DPP10: variants seen among roughly 807,000 people sequenced by gnomAD.
DPP10 encodes dipeptidyl peptidase like 10.
DPP10 carries 33 observed loss-of-function variants against 120.9 expected under a neutral mutation model. That is an observed-to-expected ratio of 0.27 (90% CI 0.21 to 0.37). DPP10 has a LOEUF of 0.37. DPP10 is among the 10% of genes least tolerant of loss of function. DPP10 has a pLI of 1.00. For missense variants in DPP10, 816 were observed against 942.8 expected (o/e 0.87, Z 1.76); for synonymous variants, 337 against 326.1 (o/e 1.03, Z -0.36).
intron 1 of DPP10, among the ~76,000 whole-genome samples, chr2:114,497,139 ATACACGTGTATACATGTAGGTG>A (rs1222359478): frequency 0.021 from 3,172 of 149,236 alleles, 114 homozygotes; most frequent in African/African-American, 0.074. Context: ...ACATGTAGGT[ATACACGTGTATACATGTAGGTG>A]TACACGTGTA....
intron 12 of DPP10, among the ~76,000 whole-genome samples, chr2:115,764,063 C>T (rs571378118): frequency 2.6e-5 from 4 of 152,208 alleles, no homozygotes; most frequent in African/African-American, 9.6e-5. Flanking sequence ...CAAATCACAT[C>T]TCCCAATAAA....
chr2:115,317,101 C>T (rs2061831834), intron 2 of DPP10, among the ~76,000 whole-genome samples: 1 of 152,068 alleles, frequency 6.6e-6, no homozygotes, highest in South Asian at 2.1e-4. Context: ...CCAAAACAGT[C>T]TTCCATCTAG....
intron 5 of DPP10, among the ~76,000 whole-genome samples, chr2:115,573,534 G>A (rs1341574067): frequency 8.7e-5 from 13 of 149,890 alleles, no homozygotes; most frequent in East Asian, 2.0e-4. Flanking sequence ...CGCCCACCTC[G>A]GCCTCCCAAA....
chr2:115,537,135 T>C (rs2078899490), intron 5 of DPP10, among the ~76,000 whole-genome samples: 1 of 152,110 alleles, frequency 6.6e-6, no homozygotes, highest in South Asian at 2.1e-4. Context: ...ACCTTCTTCT[T>C]TAGCTTTGCA....
At chr2:115,308,181 A>T (rs1463624385) in intron 1 of DPP10, among the ~76,000 whole-genome samples, 1 of 152,162 alleles carries the variant, frequency 6.6e-6, no homozygotes, top group Non-Finnish European at 1.5e-5. Flanking sequence ...TGTGAGTCAC[A>T]GGAACTCATG....
At chr2:115,101,618 T>C (rs181122961) in intron 1 of DPP10, among the ~76,000 whole-genome samples, 1 of 152,332 alleles carries the variant, frequency 6.6e-6, no homozygotes, top group African/African-American at 2.4e-5. Flanking sequence ...CACACACTAA[T>C]GGGTAGAATG....
chr2:114,487,398 C>CTGG (rs1681605292), intron 1 of DPP10, among the ~76,000 whole-genome samples: 1 of 152,142 alleles, frequency 6.6e-6, no homozygotes, highest in Non-Finnish European at 1.5e-5. Flanking sequence ...TGTTATAAAT[C>CTGG]TGGTGACTTC....
At position 114,951,576 on chromosome 2, in the gene DPP10, GA is replaced by G. The variant is rs1214310956; in HGVS notation, c.61-357658del. On this transcript the variant is annotated intron_variant, in intron 1 of 25. Coordinates refer to ENST00000410059, the MANE Select transcript of DPP10 (RefSeq NM_020868.6). ...TTGTAAAACACCCTAAAGCTAGAGT[GA>G]AAAAGAAGGTTTTTTAATAAGAAGA... 5.9e-5 allele frequency among the ~76,000 whole-genome samples: 9 copies of G among 152,242 alleles called. No homozygotes were observed. In the East Asian group the frequency reaches 1.5e-3, roughly 26 times the overall value.
At chr2:114,905,877 G>T (rs1574460540) in intron 1 of DPP10, among the ~76,000 whole-genome samples, 1 of 151,968 alleles carries the variant, frequency 6.6e-6, no homozygotes, top group East Asian at 1.9e-4. Flanking sequence ...TGATTTTTGT[G>T]TATTGATAGT....
At chr2:114,875,601 A>G (rs1256900967) in intron 1 of DPP10, among the ~76,000 whole-genome samples, 4 of 152,170 alleles carry the variant, frequency 2.6e-5, no homozygotes, top group African/African-American at 9.6e-5. Flanking sequence ...AGTTCAGCTT[A>G]CTAGAACTTG....
chr2:114,569,806 G>C (rs1689478301), intron 1 of DPP10, among the ~76,000 whole-genome samples: 1 of 152,108 alleles, frequency 6.6e-6, no homozygotes, highest in African/African-American at 2.4e-5. Flanking sequence ...AAACTAGAGT[G>C]ATAAATCACA....
chr2:115,570,157 G>T (rs1194218232), intron 5 of DPP10, among the ~76,000 whole-genome samples: 1 of 152,124 alleles, frequency 6.6e-6, no homozygotes, highest in African/African-American at 2.4e-5. Flanking sequence ...GGAAACTCTT[G>T]TCTCTCATGC....
At chr2:115,715,357 A>G (rs901854551) in intron 7 of DPP10, among the ~76,000 whole-genome samples, 1 of 150,586 alleles carries the variant, frequency 6.6e-6, no homozygotes, top group East Asian at 1.9e-4. Flanking sequence ...AAAAAAAAAA[A>G]AAAAAAGAAA....
chr2:115,843,399 T>C lies in DPP10; in HGVS notation c.*1054T>C, dbSNP rs560952532. ...TTTTCAAAACTCTTGGTCCTTTTAC[T>C]TCTTTCTCTCAGTGCAGAATCAATT... On this transcript the variant is annotated 3_prime_UTR_variant, in exon 26 of 26. Transcript: ENST00000410059. 2 of 152,752 alleles carry C rather than the reference T, an allele frequency of 1.3e-5. No homozygotes were observed. Among genetic ancestry groups the C allele is most frequent in the Admixed American group, 1.3e-4 (2 of 15,300 alleles). 9.5% of individuals were successfully genotyped at this position (152,752 alleles called of 1,614,324 possible).
intron 1 of DPP10, among the ~76,000 whole-genome samples, chr2:114,972,469 A>T (rs1247509390): frequency 2.0e-5 from 3 of 152,218 alleles, no homozygotes; most frequent in African/African-American, 7.2e-5. Flanking sequence ...AAGATGCTTT[A>T]GGTATCCTAC....
intron 1 of DPP10, among the ~76,000 whole-genome samples, chr2:114,718,673 T>C (rs1701512658): frequency 6.6e-6 from 1 of 152,200 alleles, no homozygotes; most frequent in South Asian, 2.1e-4. Flanking sequence ...TCTTGGATGC[T>C]ATTTAAAATG....
intron 1 of DPP10, among the ~76,000 whole-genome samples, chr2:115,149,664 C>A (rs1046243994): frequency 2.6e-5 from 4 of 152,132 alleles, no homozygotes; most frequent in African/African-American, 4.8e-5. Flanking sequence ...GTATTCAGCA[C>A]TTTTCTAAGA....
At chr2:115,534,277 C>A (rs1215806870) in intron 5 of DPP10, among the ~76,000 whole-genome samples, 4 of 152,012 alleles carry the variant, frequency 2.6e-5, no homozygotes. Flanking sequence ...CACCCCACAA[C>A]AGTCCCTAGA....
At chr2:115,711,368 T>C (rs6721051) in intron 7 of DPP10, among the ~76,000 whole-genome samples, 103,106 of 151,968 alleles carry the variant, frequency 0.68, 37,541 homozygotes, top group East Asian at 0.91. Flanking sequence ...AAGAATGGGA[T>C]TGTCTTGGTT....
Sources: allele counts gnomAD v4.1 joint callset (sites outside exome capture counted in the v4.1 genomes callset), GRCh38; gene constraint gnomAD v4.1.1; transcripts MANE v1.5; gene names NCBI Gene and HGNC (gene_info 2026-07-23, HGNC 2026-07-21).